The following DYNC1H1 variants were observed in gnomAD, a reference collection of about 807,000 sequenced individuals.
The protein encoded by DYNC1H1 is cytoplasmic dynein 1 heavy chain 1.
DYNC1H1 carries 51 observed loss-of-function variants against 527.1 expected under a neutral mutation model. The observed-to-expected ratio is 0.10, with a 90% confidence interval of 0.08 to 0.12. The LOEUF is 0.12. DYNC1H1 is among the 10% of genes least tolerant of loss of function. DYNC1H1 has a pLI of 1.00. For synonymous variants in DYNC1H1, 2,189 were observed against 2,278.8 expected (o/e 0.96, Z 1.12); for missense variants, 2,771 against 5,971.8 (o/e 0.46, Z 17.66).
intron 41 of DYNC1H1, among the ~76,000 whole-genome samples, chr14:102,019,187 C>T (rs1194950717): frequency 6.6e-6 from 1 of 152,236 alleles, no homozygotes; most frequent in Admixed American, 6.5e-5. Flanking sequence ...AGATTGCTCT[C>T]AAGATGGTTG....
At position 101,979,705 on chromosome 14, in the gene DYNC1H1, A is replaced by G. The variant is rs775118340; in HGVS notation, c.519-14A>G. 2.5e-5 allele frequency: 41 copies of G among 1,613,746 alleles called. No homozygotes were observed. Among genetic ancestry groups the G allele is most frequent in the Non-Finnish European group, 3.2e-5 (38 of 1,180,042 alleles). On this transcript the variant is annotated splice_polypyrimidine_tract_variant and intron_variant, in intron 3 of 77. Coordinates refer to ENST00000360184, the MANE Select transcript of DYNC1H1 (RefSeq NM_001376.5). This position sits in a 1 kb window ranked among gnomAD's most constrained non-coding sequence, Gnocchi z 4.6. ...ATAGCACACTAAATGTTGAGGTATG[A>G]AATCTGTTTTTAGGGATGGTGATAA... is the stretch of plus-strand genomic sequence containing the variant.
In DYNC1H1 at chr14:101,988,619, AAAC is replaced by A. The variant is rs1191976682; in HGVS notation, c.2719-82_2719-80del. The A allele has an allele frequency of 2.5e-6, 4 of 1,582,642 alleles. No individual in the cohort carries two copies. The African/African-American group carries it at 5.4e-5, about 21-fold the overall frequency. ...TCCGGAACTGTGTATCTTTTATCTGAAACACCTACCACTTTCTGATTGACTTGC... is the reference window on the plus strand; with the variant it reads ...TCCGGAACTGTGTATCTTTTATCTGAACCTACCACTTTCTGATTGACTTGC... On this transcript the variant is annotated intron_variant, in intron 9 of 77. Transcript: ENST00000360184.
chr14:102,009,956 A>G lies in DYNC1H1; in HGVS notation c.6091A>G (p.Asn2031Asp). Residue 2031 changes from asparagine to aspartate, a missense_variant, in exon 30 of 78, where the codon AAC (asparagine) becomes GAC (aspartate). Physicochemically the swap from Asn to Asp is conservative, Grantham distance 23 (BLOSUM62 1). Coordinates refer to ENST00000360184, the MANE Select transcript of DYNC1H1 (RefSeq NM_001376.5). ...CGCGGGCCGGTCTAACCTTCCTGAC[A>G]ACTTGAAGAAGCTGTTCCGGAGCTT... ...GYAGRSNLPD[N>D]LKKLFRSLAM... 6.2e-7 allele frequency: 1 copy of G among 1,614,210 alleles called. No individual in the cohort carries two copies. The highest frequency in any genetic ancestry group is 1.7e-5 in the Admixed American group (1 of 60,024).
chr14:102,043,780 GCT>G (rs2048681410), intron 69 of DYNC1H1, 93 bp from the exon 70 acceptor site: 1 of 1,566,124 alleles, frequency 6.4e-7, no homozygotes, highest in Admixed American at 1.7e-5. Flanking sequence ...GATGTGGAGA[GCT>G]CTTTGTAAAG....
chr14:102,048,885 G>A (rs2048764791), intron 74 of DYNC1H1: 1 of 643,534 alleles, frequency 1.6e-6, no homozygotes, highest in East Asian at 2.9e-5. Context: ...TTCACTGAAT[G>A]TTGACCAAAA....
intron 11 of DYNC1H1, among the ~76,000 whole-genome samples, chr14:101,993,393 G>A (rs2048020779): frequency 1.3e-5 from 2 of 151,976 alleles, no homozygotes; most frequent in African/African-American, 2.4e-5. Context: ...CACTCTTTTC[G>A]GAGCCCTTGA....
Position 101,980,537 on chromosome 14 carries a change from T to C in DYNC1H1, c.948T>C (p.Phe316=). The C allele has an allele frequency of 6.2e-7, 1 of 1,614,190 alleles. No homozygotes were observed. The highest frequency in any genetic ancestry group is 8.5e-7 in the Non-Finnish European group (1 of 1,180,002). Residue 316 remains phenylalanine, a synonymous_variant, in exon 5 of 78, where the codon TTT becomes TTC. Transcript: ENST00000360184. ...HGKRFHATVS[F]DTDTGLKQAL... ...AGCGCTTCCATGCCACCGTCAGTTT[T>C]GACACTGACACAGGTAACAACTAGA...
intron 51 of DYNC1H1, 196 bp downstream of exon 51, chr14:102,030,478 A>G (rs1320819328): frequency 9.6e-6 from 7 of 725,938 alleles, no homozygotes; most frequent in South Asian, 1.9e-5. Flanking sequence ...AGTTCCTACA[A>G]AGCTAGATTG....
intron 16 of DYNC1H1, among the ~76,000 whole-genome samples, chr14:101,998,849 G>A (rs1276252453): frequency 6.7e-6 from 1 of 149,832 alleles, no homozygotes; most frequent in African/African-American, 2.5e-5. Context: ...TTACCTTGGT[G>A]CCAGTAATGT....
chr14:101,972,111 G>C (rs1055592954), intron 1 of DYNC1H1, among the ~76,000 whole-genome samples: 2 of 151,992 alleles, frequency 1.3e-5, no homozygotes, highest in African/African-American at 2.4e-5. Context: ...TTAATCAAAC[G>C]TGCAGATTGT....
In DYNC1H1 at chr14:101,979,879, C is replaced by A. The variant is rs745425454; in HGVS notation, c.679C>A (p.Pro227Thr). Residue 227 changes from proline to threonine, a missense_variant, in exon 4 of 78, where the codon CCA becomes ACA. By Grantham distance (38) the Pro-to-Thr change is conservative (BLOSUM62 -1). Around this residue, in one of 32 missense-constraint regions of DYNC1H1, gnomAD observed 146 missense variants for 288.1 expected, o/e 0.51. Transcript: ENST00000360184. The surrounding 1 kb of genome is among the most constrained non-coding windows in gnomAD (Gnocchi z 4.6). ...AKQCYERGEK[P>T]KVTDFGDKVE... Reference sequence around the variant, plus strand: ...ACAGTGTTATGAGCGTGGAGAAAAGCCAAAAGTTACAGACTTTGGTGATAA... The same window carrying A: ...ACAGTGTTATGAGCGTGGAGAAAAGACAAAAGTTACAGACTTTGGTGATAA... 1 of 1,614,160 alleles carries A rather than the reference C, an allele frequency of 6.2e-7. No individual in the cohort carries two copies. Among genetic ancestry groups the A allele is most frequent in the Non-Finnish European group, 8.5e-7 (1 of 1,180,032 alleles).
rs1567014138 is a variant in DYNC1H1, at chr14:102,020,100, C to G, written c.8507+44C>G. 2 of 1,609,524 alleles carry G rather than the reference C, an allele frequency of 1.2e-6. No individual in the cohort carries two copies. The highest frequency in any genetic ancestry group is 2.2e-5 in the South Asian group (2 of 90,538). On this transcript the variant is annotated intron_variant, in intron 42 of 77. Coordinates refer to ENST00000360184, the MANE Select transcript of DYNC1H1 (RefSeq NM_001376.5). This position sits in a 1 kb window ranked among gnomAD's most constrained non-coding sequence, Gnocchi z 4.3. ...CCAGTTGGTCCCATTCTCCCCTGCT[C>G]TGAGTTCTTACAGCTGTCGAAGCTG...
intron 1 of DYNC1H1, among the ~76,000 whole-genome samples, chr14:101,969,907 C>T (rs1486373720): frequency 6.6e-6 from 1 of 152,164 alleles, no homozygotes; most frequent in Non-Finnish European, 1.5e-5. Flanking sequence ...TAGCCCAGCC[C>T]TCATCTTTCA....
At chr14:102,021,031 C>A (rs893699429) in intron 42 of DYNC1H1, among the ~76,000 whole-genome samples, 2 of 152,192 alleles carry the variant, frequency 1.3e-5, no homozygotes, top group East Asian at 3.9e-4. Flanking sequence ...GCTTTTTAAA[C>A]AGTCTTTTGT....
Position 102,018,308 on chromosome 14 carries a change from C to A in DYNC1H1, c.8178-143C>A. 8.5e-7 allele frequency: 1 copy of A among 1,177,980 alleles called. No individual in the cohort carries two copies. The highest frequency in any genetic ancestry group is 1.2e-6 in the Non-Finnish European group (1 of 836,238). The allele number at this position is 1,177,980 out of a possible 1,614,324, so 73.0% of individuals were successfully genotyped here. On this transcript the variant is annotated intron_variant, in intron 40 of 77. Transcript: ENST00000360184. This position sits in a 1 kb window ranked among gnomAD's most constrained non-coding sequence, Gnocchi z 5.2. Reference sequence around the variant, plus strand: ...CTGAGCAGCGTGTGTGTGATCTCAGCTAACACTGATGTCAAGTCTGCATAG... The same window carrying A: ...CTGAGCAGCGTGTGTGTGATCTCAGATAACACTGATGTCAAGTCTGCATAG...
At chr14:102,024,707 T>C (rs2048428097) in intron 43 of DYNC1H1, among the ~76,000 whole-genome samples, 2 of 147,564 alleles carry the variant, frequency 1.4e-5, no homozygotes. Context: ...TTTTTTTTTT[T>C]TTTTGGAGAT....
In DYNC1H1 at chr14:102,041,325, T is replaced by C. The variant is rs2048646682; in HGVS notation, c.11942-249T>C. 1 of 567,782 alleles carries C rather than the reference T, an allele frequency of 1.8e-6. No homozygotes were observed. Among genetic ancestry groups the C allele is most frequent in the Non-Finnish European group, 3.2e-6 (1 of 316,280 alleles). The allele number at this position is 567,782 out of a possible 1,614,324, so 35.2% of individuals were successfully genotyped here. A position where few individuals can be genotyped will look rare whatever the true frequency, so the allele number is the denominator to read the frequency against. The stretch of plus-strand genomic sequence containing the variant: ...CTCAGGAAGTGAGCAGGTATTAGTT[T>C]AGTAATCTAAAAATCAGCAAATGGC... On this transcript the variant is annotated intron_variant, in intron 64 of 77. Transcript: ENST00000360184. This position sits in a 1 kb window ranked among gnomAD's most constrained non-coding sequence, Gnocchi z 4.5.
At chr14:101,972,533 A>G (rs1457176076) in intron 1 of DYNC1H1, among the ~76,000 whole-genome samples, 1 of 152,232 alleles carries the variant, frequency 6.6e-6, no homozygotes, top group Admixed American at 6.5e-5. Flanking sequence ...ATTCTACTGC[A>G]TTGCAGTATT....
intron 1 of DYNC1H1, among the ~76,000 whole-genome samples, chr14:101,968,376 C>T (rs188094211): frequency 3.3e-5 from 5 of 152,174 alleles, no homozygotes; most frequent in South Asian, 2.1e-4. Context: ...ATTGCCACCT[C>T]GGCCTCCTGG....
Sources: gnomAD v4.1 joint callset for allele counts (sites outside exome capture counted in the v4.1 genomes callset) on GRCh38, gnomAD v4.1.1 for gene constraint, gnomAD v4.1.1 regional missense constraint, Gnocchi (gnomAD v3.1) non-coding constraint, MANE v1.5 for transcripts, NCBI Gene and HGNC (gene_info 2026-07-23, HGNC 2026-07-21) for gene names.